The following TENM4 variants were observed in gnomAD, a reference collection of about 807,000 sequenced individuals.
The protein encoded by TENM4 is teneurin-4.
In TENM4, 82 loss-of-function variants were observed where a neutral mutation model predicts 243.3. The ratio of observed to expected loss-of-function variants is 0.34; its 90% CI spans 0.28 to 0.40. The LOEUF (loss-of-function observed/expected upper bound fraction) is 0.40. Ranked by LOEUF, TENM4 falls within the 10% of genes least tolerant of loss-of-function variation. TENM4 has a pLI of 1.00. For missense variants in TENM4, 3,138 were observed against 3,673.3 expected (o/e 0.85, Z 3.77); for synonymous variants, 1,412 against 1,456.3 (o/e 0.97, Z 0.69).
At position 78,856,093 on chromosome 11, in the gene TENM4, A is replaced by C. The variant is rs762830455; in HGVS notation, c.1341T>G (p.Pro447=). The C allele has an allele frequency of 8.4e-6, 13 of 1,551,736 alleles. No individual in the cohort carries two copies. Among genetic ancestry groups the C allele is most frequent in the Non-Finnish European group, 1.0e-5 (12 of 1,146,998 alleles). The change falls in exon 11 of 34, where the codon CCT becomes CCG. Residue 447 remains proline (P), a synonymous_variant. Coordinates refer to ENST00000278550, the MANE Select transcript of TENM4 (RefSeq NM_001098816.3). ...DVGRRASQKI[P]PGTFWRSQVF... ...CTTGAGATCTCCAGAAAGTGCCAGG[A>C]GGAATCTTCTGGGAAGCTCGCCTTC...
At chr11:78,804,073 A>G (rs1278078727) in intron 15 of TENM4, among the ~76,000 whole-genome samples, 1 of 152,172 alleles carries the variant, frequency 6.6e-6, no homozygotes, top group African/African-American at 2.4e-5. Context: ...CTTGGTCACA[A>G]CCAGAACTGT....
At chr11:79,098,550 G>A (rs1238344385) in intron 4 of TENM4, among the ~76,000 whole-genome samples, 2 of 152,204 alleles carry the variant, frequency 1.3e-5, no homozygotes, top group Non-Finnish European at 2.9e-5. Flanking sequence ...AGGTAAGCTG[G>A]CTGAGTCCAT....
At chr11:79,206,420 T>C (rs1322682343) in intron 3 of TENM4, among the ~76,000 whole-genome samples, 4 of 152,184 alleles carry the variant, frequency 2.6e-5, no homozygotes, top group Non-Finnish European at 2.9e-5. Flanking sequence ...CAGTGGTAGA[T>C]AATGAGGCCC....
intron 14 of TENM4, 98 bp from the exon 15 acceptor site, chr11:78,805,590 T>A: frequency 7.1e-7 from 1 of 1,413,552 alleles, no homozygotes; most frequent in Non-Finnish European, 9.6e-7. Context: ...AGGGGCTTCA[T>A]ACATTCTGGC....
At chr11:78,978,542 G>A (rs959298710) in intron 6 of TENM4, among the ~76,000 whole-genome samples, 1 of 152,132 alleles carries the variant, frequency 6.6e-6, no homozygotes, top group Non-Finnish European at 1.5e-5. Context: ...ATGAACCAAA[G>A]TGGGCAGGCT....
intron 9 of TENM4, among the ~76,000 whole-genome samples, chr11:78,863,636 T>A (rs962412324): frequency 1.3e-5 from 2 of 152,200 alleles, no homozygotes; most frequent in Non-Finnish European, 2.9e-5. Flanking sequence ...GACTCTGAAA[T>A]ACTATTTTTC....
chr11:78,658,910 C>G (rs1857968184), intron 33 of TENM4, 94 bp from the exon 34 acceptor site: 1 of 1,403,810 alleles, frequency 7.1e-7, no homozygotes, highest in Non-Finnish European at 9.6e-7. Flanking sequence ...GTCAAAACCA[C>G]ACATATTTAT....
intron 29 of TENM4, among the ~76,000 whole-genome samples, chr11:78,678,042 C>T (rs1254312655): frequency 1.6e-4 from 10 of 60,898 alleles, no homozygotes; most frequent in Non-Finnish European, 2.6e-4. Context: ...TTTGTTCTTG[C>T]GATAGTTTAC....
chr11:79,158,323 A>T (rs1203247869), intron 3 of TENM4, among the ~76,000 whole-genome samples: 5 of 152,236 alleles, frequency 3.3e-5, no homozygotes, highest in Non-Finnish European at 1.5e-5. Flanking sequence ...AGTTGTAGTC[A>T]TACTAGCCAA....
At chr11:79,075,927 C>T (rs922624982) in intron 4 of TENM4, among the ~76,000 whole-genome samples, 3 of 152,244 alleles carry the variant, frequency 2.0e-5, no homozygotes, top group African/African-American at 4.8e-5. Flanking sequence ...GAGCGGGTCA[C>T]AAGCCCTCCA....
At chr11:79,433,550 G>A (rs975676328) in intron 1 of TENM4, among the ~76,000 whole-genome samples, 1 of 152,116 alleles carries the variant, frequency 6.6e-6, no homozygotes, top group African/African-American at 2.4e-5. Context: ...GAGAAAAATC[G>A]ACTTTCAAAG....
rs1454261979 is a variant in TENM4 at position 79,438,734 on chromosome 11, C to T, written c.-321+1775G>A. 6.6e-6 allele frequency among the ~76,000 whole-genome samples: 1 copy of T among 152,188 alleles called. No homozygotes were observed. Among genetic ancestry groups the T allele is most frequent in the Non-Finnish European group, 1.5e-5 (1 of 68,030 alleles). On this transcript the variant is annotated intron_variant, in intron 1 of 33. Transcript: ENST00000278550. The surrounding 1 kb of genome is among the most constrained non-coding windows in gnomAD (Gnocchi z 4.1). The stretch of plus-strand genomic sequence containing the variant: ...AAACGGCGTTCCCTGGAAGGCCTTC[C>T]AACACCTCCGAGGGAAGACTTGGAG...
intron 1 of TENM4, among the ~76,000 whole-genome samples, chr11:79,397,812 T>C (rs1439545208): frequency 2.0e-5 from 3 of 152,172 alleles, no homozygotes; most frequent in East Asian, 1.9e-4. Flanking sequence ...TTCCCCCTCC[T>C]TTCTTCTGGG....
intron 1 of TENM4, among the ~76,000 whole-genome samples, chr11:79,434,127 A>T (rs1394666478): frequency 2.0e-5 from 3 of 152,248 alleles, no homozygotes; most frequent in African/African-American, 7.2e-5. Context: ...GAGAAGGGGT[A>T]ACGGCAAAAG....
chr11:79,164,172 G>T (rs1458486666), intron 3 of TENM4, among the ~76,000 whole-genome samples: 1 of 119,274 alleles, frequency 8.4e-6, no homozygotes, highest in South Asian at 2.5e-4. Context: ...TGTATATATG[G>T]CATACTATAG....
At chr11:78,930,575 G>C (rs915169365) in intron 6 of TENM4, among the ~76,000 whole-genome samples, 1 of 152,138 alleles carries the variant, frequency 6.6e-6, no homozygotes, top group African/African-American at 2.4e-5. Flanking sequence ...TATAAATGAG[G>C]AAAATACAAA....
chr11:79,097,098 G>A (rs1434392247), intron 4 of TENM4: 1 of 152,110 alleles, frequency 6.6e-6, no homozygotes, highest in Admixed American at 6.5e-5. Context: ...TGAGACAGGG[G>A]CTCTATCCAC....
intron 3 of TENM4, among the ~76,000 whole-genome samples, chr11:79,175,910 C>T (rs777163461): frequency 1.3e-5 from 2 of 151,934 alleles, no homozygotes; most frequent in African/African-American, 4.8e-5. Flanking sequence ...CACAAGGAGA[C>T]CATGTCTCTG....
intron 4 of TENM4, among the ~76,000 whole-genome samples, chr11:79,109,396 T>C (rs1861450810): frequency 1.3e-5 from 2 of 151,970 alleles, no homozygotes. Context: ...GAACCAGTCT[T>C]TTTTGTGTGT....
Sources: gnomAD v4.1 joint callset for allele counts (sites outside exome capture counted in the v4.1 genomes callset) on GRCh38, gnomAD v4.1.1 for gene constraint, Gnocchi (gnomAD v3.1) non-coding constraint, MANE v1.5 for transcripts, NCBI Gene and HGNC (gene_info 2026-07-23, HGNC 2026-07-21) for gene names.